The following DLL1 variants were observed in gnomAD, a reference collection of about 807,000 sequenced individuals.
DLL1 encodes delta like canonical Notch ligand 1.
Under a neutral mutation model 75.1 loss-of-function variants are expected in DLL1, and 9 were observed. That is an observed-to-expected ratio of 0.12 (90% CI 0.07 to 0.21). The LOEUF (loss-of-function observed/expected upper bound fraction) is 0.21. Among genes scored for constraint, DLL1 ranks in the 10% least tolerant of loss-of-function variants. The pLI, the probability that DLL1 is intolerant of heterozygous loss-of-function variation, is 1.00. For synonymous variants in DLL1, 477 were observed against 418.3 expected (o/e 1.14, Z -1.71); for missense variants, 837 against 1,007.6 (o/e 0.83, Z 2.29).
Position 170,283,779 on chromosome 6 carries a change from G to A in DLL1, c.1500C>T (p.Gly500=). Residue 500 remains glycine (G), a synonymous_variant, in exon 9 of 11, where the codon GGC becomes GGT. Transcript: ENST00000366756. The stretch of plus-strand genomic sequence containing the variant: ...GGGCACACTCGCACACATAGCGGTG[G>A]CCCCTCTCGTGGCAGGTGGCCCCAT... ...CHNGATCHER[G]HRYVCECARG... 2 of 1,593,420 alleles carry A rather than the reference G, an allele frequency of 1.3e-6. No individual in the cohort carries two copies. The highest frequency in any genetic ancestry group is 1.7e-6 in the Non-Finnish European group (2 of 1,172,238).
At position 170,288,187 on chromosome 6, in the gene DLL1, G is replaced by A. The variant is rs372010923; in HGVS notation, c.670+52C>T. 4.4e-4 allele frequency: 703 copies of A among 1,612,778 alleles called. 4 individuals carry two copies. In the African/African-American group the frequency reaches 8.1e-3, roughly 19 times the overall value. On this transcript the variant is annotated intron_variant, in intron 4 of 10. Coordinates refer to ENST00000366756, the MANE Select transcript of DLL1 (RefSeq NM_005618.4). ...GGCTCAGGAAGCCCCGTCCCTGCGC[G>A]CGGTCCGTGTTCGTGGACGAGTGAG... is the stretch of plus-strand genomic sequence containing the variant.
rs573398004 is a variant in DLL1 at position 170,284,327 on chromosome 6, C to A, written c.1250-298G>T. ...CCGGGCAAGAGCATGTGCCACTCGA[C>A]CCAGGTTTCAGATGGGGAAACTGAG... is the stretch of plus-strand genomic sequence containing the variant. On this transcript the variant is annotated intron_variant, in intron 8 of 10. Coordinates refer to ENST00000366756, the MANE Select transcript of DLL1 (RefSeq NM_005618.4). 9.8e-5 allele frequency among the ~76,000 whole-genome samples: 15 copies of A among 152,294 alleles called. 1 individual carries two copies. In the South Asian group the frequency reaches 3.1e-3, roughly 32 times the overall value.
chr6:170,288,523 G>C (rs771857094), intron 3 of DLL1, 27 bp from the exon 4 acceptor site: 3 of 1,614,122 alleles, frequency 1.9e-6, no homozygotes, highest in East Asian at 4.5e-5. Context: ...CTCCTGGTTG[G>C]TTCTGAACGA....
intron 4 of DLL1, 134 bp from the exon 5 acceptor site, chr6:170,286,432 G>A: frequency 1.8e-6 from 2 of 1,107,196 alleles, no homozygotes; most frequent in Non-Finnish European, 2.7e-6. Context: ...CCAGGTTGTG[G>A]AGGACTGACC....
chr6:170,286,165 T>C, intron 5 of DLL1, 73 bp downstream of exon 5: 5 of 1,601,782 alleles, frequency 3.1e-6, no homozygotes, highest in South Asian at 1.1e-5. Context: ...AGGGCTGTTT[T>C]TACAAATACA....
chr6:170,288,404 T>C lies in DLL1; in HGVS notation c.505A>G (p.Thr169Ala), dbSNP rs141302028. 2 of 1,613,922 alleles carry C rather than the reference T, an allele frequency of 1.2e-6. No homozygotes were observed. The highest frequency in any genetic ancestry group is 2.7e-5 in the African/African-American group (2 of 74,948). Residue 169 changes from threonine (T) to alanine (A), a missense_variant, in exon 4 of 11, where the codon ACG (threonine) becomes GCG (alanine). Physicochemically the swap from Thr to Ala is moderately conservative, Grantham distance 58. Transcript: ENST00000366756. ...WSQDLHSSGR[T>A]DLKYSYRFVC... ...AAGCGGTAGGAGTACTTGAGGTCCG[T>C]GCGGCCGCTGCTGTGCAGGTCCTGG...
chr6:170,288,500 C>CGG lies in DLL1; in HGVS notation c.413-6_413-5dup, dbSNP rs762987983. Reference sequence around the variant, plus strand: ...CTGATGAGTCTTTCTGGGTTTTCTACGGGGAGAAGATGCTCCTGGTTGGTT... The same window carrying CGG: ...CTGATGAGTCTTTCTGGGTTTTCTACGGGGGGAGAAGATGCTCCTGGTTGGTT... On this transcript the variant is annotated splice_region_variant and splice_polypyrimidine_tract_variant and intron_variant, in intron 3 of 10. Transcript: ENST00000366756. 14 of 1,614,022 alleles carry CGG rather than the reference C, an allele frequency of 8.7e-6. No individual in the cohort carries two copies. In the Admixed American group the frequency reaches 2.3e-4, roughly 27 times the overall value.
intron 4 of DLL1, among the ~76,000 whole-genome samples, chr6:170,287,408 C>T (rs997013453): frequency 2.0e-5 from 3 of 152,302 alleles, no homozygotes; most frequent in Non-Finnish European, 4.4e-5. Context: ...TAGAGAAATC[C>T]GGTACCAATG....
In DLL1 at chr6:170,283,257, C is replaced by G. The variant is rs751703551; in HGVS notation, c.2022G>C (p.Glu674Asp). The change falls in exon 9 of 11, where the codon GAG (glutamate) becomes GAC (aspartate). Residue 674 changes from glutamate (E) to aspartate (D), a missense_variant. Glu to Asp is a conservative substitution (Grantham distance 45, BLOSUM62 2). Transcript: ENST00000366756. ...CCCTGAGTGTGGTCGGGGTCCCCTT[C>G]TCCTCCCCTGAGGAGCCCTGGGGCT... ...KCQPQGSSGE[E>D]KGTPTTLRGG... 1.9e-6 allele frequency: 3 copies of G among 1,612,722 alleles called. No individual in the cohort carries two copies. Among genetic ancestry groups the G allele is most frequent in the Non-Finnish European group, 2.5e-6 (3 of 1,179,934 alleles).
intron 8 of DLL1, 27 bp downstream of exon 8, chr6:170,284,891 TC>T (rs1190918085): frequency 6.2e-7 from 1 of 1,609,610 alleles, no homozygotes; most frequent in South Asian, 1.1e-5. Context: ...CGCCCGAGTC[TC>T]TGAGCAATCA....
chr6:170,290,066 G>C lies in DLL1; in HGVS notation c.54+20C>G. ...CCGTGAGACCCCGCGGGGCCGCGGC[G>C]CCCCCACCTGCCCGCCTACCTGACA... On this transcript the variant is annotated intron_variant, in intron 1 of 10. Coordinates refer to ENST00000366756, the MANE Select transcript of DLL1 (RefSeq NM_005618.4). The surrounding 1 kb of genome is among the most constrained non-coding windows in gnomAD (Gnocchi z 4.7). 6.4e-7 allele frequency: 1 copy of C among 1,573,002 alleles called. No homozygotes were observed. Among genetic ancestry groups the C allele is most frequent in the Non-Finnish European group, 8.6e-7 (1 of 1,168,872 alleles).
Position 170,290,066 on chromosome 6 carries a change from G to A in DLL1, c.54+20C>T. 1 of 1,573,000 alleles carries A rather than the reference G, an allele frequency of 6.4e-7. No individual in the cohort carries two copies. Among genetic ancestry groups the A allele is most frequent in the Non-Finnish European group, 8.6e-7 (1 of 1,168,870 alleles). On this transcript the variant is annotated intron_variant, in intron 1 of 10. Coordinates refer to ENST00000366756, the MANE Select transcript of DLL1 (RefSeq NM_005618.4). This position sits in a 1 kb window ranked among gnomAD's most constrained non-coding sequence, Gnocchi z 4.7. ...CCGTGAGACCCCGCGGGGCCGCGGC[G>A]CCCCCACCTGCCCGCCTACCTGACA...
Position 170,282,700 on chromosome 6 carries a change from A to T in DLL1, c.*174T>A. On this transcript the variant is annotated 3_prime_UTR_variant, in exon 11 of 11. Coordinates refer to ENST00000366756, the MANE Select transcript of DLL1 (RefSeq NM_005618.4). ...GTGCCGCAGGCGGCCGGGCCGCGAC[A>T]GGCTGTCGGCAGGCGTCGAGGACCT... The T allele has an allele frequency of 9.3e-7, 1 of 1,077,580 alleles. No individual in the cohort carries two copies. Among genetic ancestry groups the T allele is most frequent in the Non-Finnish European group, 1.4e-6 (1 of 708,850 alleles). 66.8% of individuals were successfully genotyped at this position (1,077,580 alleles called of 1,614,324 possible). A position where few individuals can be genotyped will look rare whatever the true frequency, so the allele number is the denominator to read the frequency against.
At chr6:170,286,116 G>T (rs925008478) in intron 5 of DLL1, 122 bp downstream of exon 5, 7 of 1,232,008 alleles carry the variant, frequency 5.7e-6, no homozygotes, top group African/African-American at 4.5e-5. Context: ...ACGGCCCCCT[G>T]TTCAATCAAT....
At position 170,285,076 on chromosome 6, in the gene DLL1, T is replaced by A. The variant is rs1331682576; in HGVS notation, c.1092A>T (p.Glu364Asp). Residue 364 changes from glutamate to aspartate, a missense_variant, in exon 8 of 11, where the codon GAA (glutamate) becomes GAT (aspartate). Physicochemically the swap from Glu to Asp is conservative, Grantham distance 45. This residue lies in a region of DLL1 where 533 missense variants were observed against 545.7 expected (regional missense o/e 0.98). Coordinates refer to ENST00000366756, the MANE Select transcript of DLL1 (RefSeq NM_005618.4). The part of the protein sequence containing the change: ...CPPGFYGKIC[E>D]LSAMTCADGP... Reference sequence around the variant, plus strand: ...CGTCCGCACAGGTCATGGCACTCAATTCACAGATTTTGCCGTAGAAGCCGG... The same window carrying A: ...CGTCCGCACAGGTCATGGCACTCAAATCACAGATTTTGCCGTAGAAGCCGG... The A allele has an allele frequency of 6.2e-6, 10 of 1,614,056 alleles. No individual in the cohort carries two copies. The East Asian group carries it at 2.2e-4, about 36-fold the overall frequency.
At position 170,288,448 on chromosome 6, in the gene DLL1, G is replaced by A. The variant is rs1783756131; in HGVS notation, c.461C>T (p.Thr154Met). 5.6e-6 allele frequency: 9 copies of A among 1,614,102 alleles called. No individual in the cohort carries two copies. The highest frequency in any genetic ancestry group is 1.1e-5 in the South Asian group (1 of 91,090). ...ISRLATQRHL[T>M]VGEEWSQDLH... ...GTCCTGGGACCACTCCTCGCCCACCGTCAGGTGCCTCTGGGTGGCCAGGCG... is the reference window on the plus strand; with the variant it reads ...GTCCTGGGACCACTCCTCGCCCACCATCAGGTGCCTCTGGGTGGCCAGGCG... Residue 154 changes from threonine to methionine, a missense_variant, in exon 4 of 11, where the codon ACG becomes ATG. Thr to Met is a moderately conservative substitution (Grantham distance 81, BLOSUM62 -1). This residue lies in a region of DLL1 where 304 missense variants were observed against 461.9 expected (regional missense o/e 0.66). Transcript: ENST00000366756.
Position 170,284,967 on chromosome 6 carries a change from T to C in DLL1, c.1201A>G (p.Asn401Asp). The part of the protein sequence containing the change: ...CRCPVGYSGF[N>D]CEKKIDYCSS... ...CAGTAGTCAATTTTCTTCTCACAGT[T>C]GAAGCCGGAGTAGCCCACGGGGCAG... Residue 401 changes from asparagine (N) to aspartate (D), a missense_variant, in exon 8 of 11, where the codon AAC becomes GAC. Physicochemically the swap from Asn to Asp is conservative, Grantham distance 23. Transcript: ENST00000366756. 1 of 1,614,126 alleles carries C rather than the reference T, an allele frequency of 6.2e-7. No individual in the cohort carries two copies. Among genetic ancestry groups the C allele is most frequent in the Non-Finnish European group, 8.5e-7 (1 of 1,180,038 alleles).
chr6:170,283,625 C>A lies in DLL1; in HGVS notation c.1654G>T (p.Val552Phe), dbSNP rs750946196. 5 of 1,608,480 alleles carry A rather than the reference C, an allele frequency of 3.1e-6. No homozygotes were observed. Among genetic ancestry groups the A allele is most frequent in the East Asian group, 2.2e-5 (1 of 44,760 alleles). ...PFPWVAVCAG[V>F]ILVLMLLLGC... Reference sequence around the variant, plus strand: ...AGCAGCAGCATGAGGACAAGGATGACCCCGGCGCACACGGCCACCCAGGGG... The same window carrying A: ...AGCAGCAGCATGAGGACAAGGATGAACCCGGCGCACACGGCCACCCAGGGG... The change falls in exon 9 of 11, where the codon GTC becomes TTC. Residue 552 changes from valine (V) to phenylalanine (F), a missense_variant. Physicochemically the swap from Val to Phe is conservative, Grantham distance 50 (BLOSUM62 -1). Transcript: ENST00000366756.
In DLL1 at chr6:170,285,695, T is replaced by A; in HGVS notation, c.736A>T (p.Arg246Ter). ...FCDKPGECKC[R>*]VGWQGRYCDE... ...CAGTACCGGCCCTGCCAGCCCACTC[T>A]GCACCTTGGAGAAAAGCAGAAGACT... The change falls in exon 6 of 11, where the codon AGA (arginine) becomes TGA (stop). Residue 246 changes from arginine to a stop codon, truncating the protein, a stop_gained. Coordinates refer to ENST00000366756, the MANE Select transcript of DLL1 (RefSeq NM_005618.4). LOFTEE classifies it high-confidence loss of function. The A allele has an allele frequency of 6.2e-7, 1 of 1,614,132 alleles. No individual in the cohort carries two copies. The highest frequency in any genetic ancestry group is 8.5e-7 in the Non-Finnish European group (1 of 1,180,030).
Sources: allele counts gnomAD v4.1 joint callset (sites outside exome capture counted in the v4.1 genomes callset), GRCh38; gene constraint gnomAD v4.1.1; regional missense constraint gnomAD v4.1.1; non-coding constraint Gnocchi (gnomAD v3.1); transcripts MANE v1.5; gene names NCBI Gene and HGNC (gene_info 2026-07-23, HGNC 2026-07-21).